HMGB1: variants seen among roughly 807,000 people sequenced by gnomAD.
The protein encoded by HMGB1 is high mobility group protein B1.
For synonymous variants in HMGB1, 81 were observed against 84.0 expected (o/e 0.96, Z 0.19); for missense variants, 79 against 253.5 (o/e 0.31, Z 4.67).
chr13:30,571,812 T>C (rs1401480816), intron 1 of HMGB1, among the ~76,000 whole-genome samples: 2 of 152,162 alleles, frequency 1.3e-5, no homozygotes, highest in Non-Finnish European at 2.9e-5. Flanking sequence ...ATTTTAGAAG[T>C]ATTACTTTAT....
intron 1 of HMGB1, among the ~76,000 whole-genome samples, chr13:30,606,574 T>C (rs545249783): frequency 6.6e-6 from 1 of 152,364 alleles, no homozygotes; most frequent in South Asian, 2.1e-4. Context: ...TGAAAGTTGT[T>C]GTCAAATATG....
chr13:30,566,475 C>A (rs1264118696), intron 1 of HMGB1, among the ~76,000 whole-genome samples: 4 of 152,230 alleles, frequency 2.6e-5, no homozygotes, highest in Non-Finnish European at 5.9e-5. Flanking sequence ...ATTTGTGGAC[C>A]CTGAAATTTG....
At chr13:30,517,464 G>A (rs543924593) in intron 1 of HMGB1, among the ~76,000 whole-genome samples, 1 of 152,346 alleles carries the variant, frequency 6.6e-6, no homozygotes, top group Admixed American at 6.5e-5. Flanking sequence ...GAGTGCAGTG[G>A]CACAGTCTCA....
chr13:30,538,553 CTTTTT>C (rs1365959361), intron 1 of HMGB1, among the ~76,000 whole-genome samples: 6 of 69,716 alleles, frequency 8.6e-5, no homozygotes, highest in African/African-American at 4.7e-4. Flanking sequence ...TTCTTTCTTT[CTTTTT>C]CTTTCTTCTT....
chr13:30,509,942 A>G (rs1887953630), intron 1 of HMGB1, among the ~76,000 whole-genome samples: 1 of 152,216 alleles, frequency 6.6e-6, no homozygotes, highest in South Asian at 2.1e-4. Context: ...GCTAATTAAT[A>G]GTCTATTTCA....
At chr13:30,591,689 A>G (rs1323112866) in intron 1 of HMGB1, among the ~76,000 whole-genome samples, 1 of 151,816 alleles carries the variant, frequency 6.6e-6, no homozygotes, top group East Asian at 1.9e-4. Flanking sequence ...TTTTGTAGAG[A>G]TGGGGTTTTG....
intron 1 of HMGB1, among the ~76,000 whole-genome samples, chr13:30,579,260 A>T (rs906792165): frequency 3.3e-5 from 5 of 152,212 alleles, no homozygotes; most frequent in African/African-American, 9.6e-5. Flanking sequence ...ACATTATATC[A>T]TCACTTTTCA....
chr13:30,584,525 T>A (rs1225285170), intron 1 of HMGB1, among the ~76,000 whole-genome samples: 1 of 152,224 alleles, frequency 6.6e-6, no homozygotes, highest in Non-Finnish European at 1.5e-5. Flanking sequence ...GGGCAGAGAC[T>A]GTTTCATTCC....
At chr13:30,466,944 G>A (rs1235517658), upstream of HMGB1, among the ~76,000 whole-genome samples, 2 of 152,218 alleles carry the variant, frequency 1.3e-5, no homozygotes, top group African/African-American at 2.4e-5. Context: ...GTGCATCCAT[G>A]TAACTGCTCT....
intron 4 of HMGB1, chr13:30,461,782 G>A (rs1398749987): frequency 3.6e-6 from 3 of 829,922 alleles, no homozygotes; most frequent in Admixed American, 2.5e-5. Context: ...ATGCCTCATT[G>A]AGGTGCAATT....
intron 1 of HMGB1, among the ~76,000 whole-genome samples, chr13:30,591,351 G>A (rs1207819949): frequency 6.6e-6 from 1 of 151,988 alleles, no homozygotes; most frequent in Non-Finnish European, 1.5e-5. Flanking sequence ...TGTTTTTACA[G>A]AGAAGCCTGT....
At chr13:30,477,102 T>C (rs1887115441) in intron 1 of HMGB1, among the ~76,000 whole-genome samples, 1 of 152,132 alleles carries the variant, frequency 6.6e-6, no homozygotes, top group Admixed American at 6.5e-5. Context: ...ATAAAAACGG[T>C]ATCACATTTC....
chr13:30,614,703 TTTTG>T (rs1384653559), intron 1 of HMGB1, among the ~76,000 whole-genome samples: 1 of 151,974 alleles, frequency 6.6e-6, no homozygotes, highest in Non-Finnish European at 1.5e-5. Flanking sequence ...ATGTTTTTGT[TTTTG>T]TTTTTTTGAG....
chr13:30,517,635 C>T lies in HMGB1; in HGVS notation c.-14-53941G>A, dbSNP rs780471354. On this transcript the variant is annotated intron_variant, in intron 1 of 4. Transcript: ENST00000405805. ...AACTCCTGACCTCAAATGATCCGCC[C>T]GCCTTGGCCTCTCAAAGTATTGGGA... Among the ~76,000 whole-genome samples, 16 of 152,184 alleles carry T rather than the reference C, an allele frequency of 1.1e-4. 1 individual carries two copies. Among genetic ancestry groups the T allele is most frequent in the Non-Finnish European group, 1.6e-4 (11 of 68,034 alleles).
upstream of HMGB1, among the ~76,000 whole-genome samples, chr13:30,469,957 T>C (rs1226428963): frequency 6.6e-6 from 1 of 152,062 alleles, no homozygotes; most frequent in African/African-American, 2.4e-5. Flanking sequence ...TTTTTATTTT[T>C]TGTAGAGACA....
chr13:30,471,520 T>A (rs1433178744), intron 1 of HMGB1, among the ~76,000 whole-genome samples: 2 of 150,860 alleles, frequency 1.3e-5, no homozygotes, highest in East Asian at 3.9e-4. Flanking sequence ...GCTAATTTTT[T>A]TTTTTTGTAT....
At chr13:30,466,998 A>G (rs1156517717), upstream of HMGB1, among the ~76,000 whole-genome samples, 1 of 152,252 alleles carries the variant, frequency 6.6e-6, no homozygotes, top group East Asian at 1.9e-4. Context: ...GAAGGATTAG[A>G]TGCAGGCAGA....
rs1473869853 is a variant in HMGB1 at position 30,459,709 on chromosome 13, A to C, written c.*1648T>G. 1 of 152,210 alleles carries C rather than the reference A, an allele frequency of 6.6e-6. No individual in the cohort carries two copies. Among genetic ancestry groups the C allele is most frequent in the Non-Finnish European group, 1.5e-5 (1 of 68,012 alleles). 9.4% of individuals were successfully genotyped at this position (152,210 alleles called of 1,614,324 possible). A position where few individuals can be genotyped will look rare whatever the true frequency, so the allele number is the denominator to read the frequency against. On this transcript the variant is annotated 3_prime_UTR_variant, in exon 5 of 5. Coordinates refer to ENST00000341423, the MANE Select transcript of HMGB1 (RefSeq NM_002128.7). ...AGCCCATTAACCTATTTATAAGCATAAAGTGAGTATTTTTAAAGGGAAAAA... is the reference window on the plus strand; with the variant it reads ...AGCCCATTAACCTATTTATAAGCATCAAGTGAGTATTTTTAAAGGGAAAAA...
At chr13:30,464,422 G>A (rs541113606) in intron 1 of HMGB1, 1 of 985,320 alleles carries the variant, frequency 1.0e-6, no homozygotes, top group Non-Finnish European at 1.2e-6. Flanking sequence ...CCCAACTCGG[G>A]AAGTATTTTT....
Sources: gnomAD v4.1 joint callset for allele counts (sites outside exome capture counted in the v4.1 genomes callset) on GRCh38, gnomAD v4.1.1 for gene constraint, MANE v1.5 for transcripts, NCBI Gene and HGNC (gene_info 2026-07-23, HGNC 2026-07-21) for gene names.